ICE1: variants seen among roughly 807,000 people sequenced by gnomAD.
ICE1 encodes the protein interactor of little elongation complex ELL subunit 1, also known as little elongation complex subunit 1.
ICE1 carries 64 observed loss-of-function variants against 192.7 expected under a neutral mutation model. The ratio of observed to expected loss-of-function variants is 0.33; its 90% CI spans 0.27 to 0.41. The LOEUF (loss-of-function observed/expected upper bound fraction) is 0.41. Ranked by LOEUF, ICE1 falls within the 10% of genes least tolerant of loss-of-function variation. The pLI, the probability that ICE1 is intolerant of heterozygous loss-of-function variation, is 1.00. For synonymous variants in ICE1, 1,010 were observed against 984.5 expected (o/e 1.03, Z -0.49); for missense variants, 2,708 against 2,696.0 (o/e 1.00, Z -0.10).
At chr5:5,475,100 A>AT (rs1398553831) in intron 16 of ICE1, among the ~76,000 whole-genome samples, 1 of 152,184 alleles carries the variant, frequency 6.6e-6, no homozygotes, top group African/African-American at 2.4e-5. Context: ...ATGGGAACCC[A>AT]TGAGGCAGGG....
At chr5:5,435,714 C>T (rs1737855566) in intron 1 of ICE1, among the ~76,000 whole-genome samples, 2 of 119,582 alleles carry the variant, frequency 1.7e-5, no homozygotes, top group South Asian at 5.1e-4. Context: ...ATCTCACTGT[C>T]ACTGGAGTGC....
Position 5,461,946 on chromosome 5 carries a change from A to G in ICE1, c.2612A>G (p.Gln871Arg), listed in dbSNP as rs184315406. The change falls in exon 13 of 19, where the codon CAG (glutamine) becomes CGG (arginine). Residue 871 changes from glutamine (Q) to arginine (R), a missense_variant. Physicochemically the swap from Gln to Arg is conservative, Grantham distance 43. Around this residue, in one of 2 missense-constraint regions of ICE1, gnomAD observed 2,366 missense variants for 2,276.6 expected, o/e 1.04. Transcript: ENST00000296564. ...AAACAGACAAGACCTGAAAAGGTTC[A>G]GAGTGCCAAATTGGAACACTTGAGG... ...ITKQTRPEKV[Q>R]SAKLEHLRPH... 5 of 1,613,972 alleles carry G rather than the reference A, an allele frequency of 3.1e-6. No individual in the cohort carries two copies. The highest frequency in any genetic ancestry group is 1.6e-4 in the Middle Eastern group (1 of 6,062).
rs1406693266 is a variant in ICE1, at chr5:5,460,930, T to C, written c.1596T>C (p.Ser532=). 6.2e-7 allele frequency: 1 copy of C among 1,614,028 alleles called. No individual in the cohort carries two copies. The highest frequency in any genetic ancestry group is 8.5e-7 in the Non-Finnish European group (1 of 1,179,900). ...CCCCTGGGAAGTCTGAGTTGTGTTC[T>C]TCTCCCCTTGGCAAAAGGCCATTAA... ...EAAPGKSELC[S]SPLGKRPLNE... The change falls in exon 13 of 19, where the codon TCT becomes TCC. Residue 532 remains serine (S), a synonymous_variant. Transcript: ENST00000296564.
chr5:5,425,513 C>T (rs1220541253), intron 1 of ICE1, among the ~76,000 whole-genome samples: 2 of 152,182 alleles, frequency 1.3e-5, no homozygotes, highest in East Asian at 3.8e-4. Context: ...GACACTATTG[C>T]ATTTGGATTT....
At chr5:5,459,279 G>C (rs1346991977) in intron 12 of ICE1, among the ~76,000 whole-genome samples, 1 of 152,200 alleles carries the variant, frequency 6.6e-6, no homozygotes, top group East Asian at 1.9e-4. Flanking sequence ...AGCATTTGGT[G>C]ACATTTTTAA....
At chr5:5,447,588 C>A in intron 8 of ICE1, 79 bp downstream of exon 8, 1 of 1,361,204 alleles carries the variant, frequency 7.3e-7, no homozygotes, top group Non-Finnish European at 1.0e-6. Context: ...TTGTAACTCA[C>A]GTAGGAGTCA....
chr5:5,460,697 A>G lies in ICE1; in HGVS notation c.1363A>G (p.Thr455Ala). The G allele has an allele frequency of 1.9e-6, 3 of 1,613,970 alleles. No homozygotes were observed. The highest frequency in any genetic ancestry group is 2.5e-6 in the Non-Finnish European group (3 of 1,179,900). ...AGCAACACTGAGAGAATCTTCTGCC[A>G]CACACTCCTTAGTTGGTGAAAAACA... ...FTATLRESSA[T>A]HSLVGEKHWT... The change falls in exon 13 of 19, where the codon ACA becomes GCA. Residue 455 changes from threonine (T) to alanine (A), a missense_variant. Transcript: ENST00000296564.
At chr5:5,425,013 C>T (rs1737480454) in intron 1 of ICE1, among the ~76,000 whole-genome samples, 1 of 152,196 alleles carries the variant, frequency 6.6e-6, no homozygotes, top group Non-Finnish European at 1.5e-5. Context: ...GCTTTTCAGT[C>T]ATGGATCTGT....
intron 10 of ICE1, among the ~76,000 whole-genome samples, chr5:5,448,252 T>C (rs1448932883): frequency 6.6e-6 from 1 of 152,200 alleles, no homozygotes; most frequent in Non-Finnish European, 1.5e-5. Flanking sequence ...AAGAAAATGT[T>C]AAAGTCAGGC....
At chr5:5,431,646 G>A (rs1349788678) in intron 1 of ICE1, among the ~76,000 whole-genome samples, 2 of 152,090 alleles carry the variant, frequency 1.3e-5, no homozygotes, top group Non-Finnish European at 2.9e-5. Flanking sequence ...TTCTATCCCC[G>A]ATTCTTTGTG....
At chr5:5,428,445 G>C (rs1737594280) in intron 1 of ICE1, among the ~76,000 whole-genome samples, 1 of 152,154 alleles carries the variant, frequency 6.6e-6, no homozygotes, top group Non-Finnish European at 1.5e-5. Context: ...CAATAAATGT[G>C]AGTAGTGTGA....
chr5:5,430,128 C>G (rs1214074326), intron 1 of ICE1, among the ~76,000 whole-genome samples: 1 of 152,156 alleles, frequency 6.6e-6, no homozygotes, highest in Non-Finnish European at 1.5e-5. Flanking sequence ...GGAAGAACAC[C>G]TTGAACCTCA....
intron 1 of ICE1, among the ~76,000 whole-genome samples, chr5:5,429,129 C>A (rs1196006161): frequency 6.6e-6 from 1 of 152,134 alleles, no homozygotes; most frequent in Non-Finnish European, 1.5e-5. Context: ...GCTCCAGTAT[C>A]GTGTTGTAAC....
intron 17 of ICE1, among the ~76,000 whole-genome samples, chr5:5,484,196 C>CT (rs1739577551): frequency 6.6e-6 from 1 of 152,196 alleles, no homozygotes; most frequent in Admixed American, 6.5e-5. Context: ...TATATTGAGT[C>CT]TTTTTCCCCA....
At chr5:5,442,117 C>T (rs1181490893) in intron 5 of ICE1, among the ~76,000 whole-genome samples, 12 of 152,176 alleles carry the variant, frequency 7.9e-5, no homozygotes, top group Non-Finnish European at 1.5e-4. Flanking sequence ...GCTGTAAACT[C>T]CCTTTTCTAT....
At position 5,435,684 on chromosome 5, in the gene ICE1, G is replaced by GT. The variant is rs907007879; in HGVS notation, c.85-724dup. On this transcript the variant is annotated intron_variant, in intron 1 of 18. Coordinates refer to ENST00000296564, the MANE Select transcript of ICE1 (RefSeq NM_015325.3). Reference sequence around the variant, plus strand: ...TTTTTTTTTTTTTTGTTTTGTTTTTGTTTTTTTTTTCGAGATGGAATCTCA... The same window carrying GT: ...TTTTTTTTTTTTTTGTTTTGTTTTTGTTTTTTTTTTTCGAGATGGAATCTCA... Among the ~76,000 whole-genome samples, 156 of 116,528 alleles carry GT rather than the reference G, an allele frequency of 1.3e-3. 1 individual carries two copies. The highest frequency in any genetic ancestry group is 2.2e-3 in the African/African-American group (75 of 33,482). 76.4% of individuals were successfully genotyped at this position (116,528 alleles called of 152,430 possible). A position where few individuals can be genotyped will look rare whatever the true frequency, so the allele number is the denominator to read the frequency against.
Position 5,461,884 on chromosome 5 carries a change from T to C in ICE1, c.2550T>C (p.Thr850=), listed in dbSNP as rs757229744. ...ACAATCCTGTAGAATTCAAGACCAC[T>C]GCATCGGTGTTGCCTAATCAAGTAT... is the stretch of plus-strand genomic sequence containing the variant. The part of the protein sequence containing the change: ...ENNNPVEFKT[T]ASVLPNQVSV... Residue 850 remains threonine (T), a synonymous_variant, in exon 13 of 19, where the codon ACT becomes ACC. Coordinates refer to ENST00000296564, the MANE Select transcript of ICE1 (RefSeq NM_015325.3). 20 of 1,613,804 alleles carry C rather than the reference T, an allele frequency of 1.2e-5. No homozygotes were observed. The South Asian group carries it at 2.0e-4, about 16-fold the overall frequency.
chr5:5,441,701 T>C (rs1738058644), intron 5 of ICE1, among the ~76,000 whole-genome samples: 1 of 152,150 alleles, frequency 6.6e-6, no homozygotes, highest in South Asian at 2.1e-4. Flanking sequence ...CTGGTATGAG[T>C]TAAGATGTCC....
At chr5:5,483,726 T>C (rs894232879) in intron 17 of ICE1, among the ~76,000 whole-genome samples, 14 of 152,172 alleles carry the variant, frequency 9.2e-5, no homozygotes, top group African/African-American at 3.4e-4. Context: ...GCTTATAAAA[T>C]CCTGAATAAT....
Sources: gnomAD v4.1 joint callset for allele counts (sites outside exome capture counted in the v4.1 genomes callset) on GRCh38, gnomAD v4.1.1 for gene constraint, gnomAD v4.1.1 regional missense constraint, MANE v1.5 for transcripts, NCBI Gene and HGNC (gene_info 2026-07-23, HGNC 2026-07-21) for gene names.